Variants in MGAT5 observed in about 807,000 individuals in gnomAD.
The protein encoded by MGAT5 is alpha-1,6-mannosylglycoprotein 6-beta-N-acetylglucosaminyltransferase.
Under a neutral mutation model 94.3 loss-of-function variants are expected in MGAT5, and 30 were observed. That is an observed-to-expected ratio of 0.32 (90% CI 0.24 to 0.43). The LOEUF (loss-of-function observed/expected upper bound fraction) is 0.43, where lower values mean the gene tolerates loss of function less well. Among genes scored for constraint, MGAT5 ranks in the 20% least tolerant of loss-of-function variants. The pLI is 1.00. For synonymous variants in MGAT5, 310 were observed against 322.9 expected (o/e 0.96, Z 0.43); for missense variants, 691 against 905.5 (o/e 0.76, Z 3.04).
chr2:134,246,772 G>A (rs562944413), intron 1 of MGAT5, among the ~76,000 whole-genome samples: 21 of 151,932 alleles, frequency 1.4e-4, no homozygotes, highest in African/African-American at 5.1e-4. Context: ...GAATTGGGGT[G>A]CTGGTTTGAT....
intron 1 of MGAT5, among the ~76,000 whole-genome samples, chr2:134,146,145 A>G (rs1686908192): frequency 6.6e-6 from 1 of 152,190 alleles, no homozygotes; most frequent in Non-Finnish European, 1.5e-5. Flanking sequence ...CCCCATCCCC[A>G]TTAAATGCCT....
intron 1 of MGAT5, among the ~76,000 whole-genome samples, chr2:134,232,160 A>C (rs1033329596): frequency 3.3e-5 from 5 of 152,108 alleles, no homozygotes; most frequent in Admixed American, 1.3e-4. Flanking sequence ...TGACCTCTTA[A>C]GTATTTCTAG....
intron 4 of MGAT5, chr2:134,319,744 C>A: frequency 2.3e-6 from 1 of 426,490 alleles, no homozygotes; most frequent in South Asian, 1.7e-5. Context: ...AGCTCCTGCT[C>A]TCTGTGTAGC....
At chr2:134,391,245 A>G (rs1432419739) in intron 10 of MGAT5, among the ~76,000 whole-genome samples, 1 of 152,088 alleles carries the variant, frequency 6.6e-6, no homozygotes, top group African/African-American at 2.4e-5. Flanking sequence ...GAAACCATCC[A>G]AAAGAGGCTA....
intron 1 of MGAT5, among the ~76,000 whole-genome samples, chr2:134,186,017 A>C (rs1290626561): frequency 6.6e-6 from 1 of 152,182 alleles, no homozygotes; most frequent in Non-Finnish European, 1.5e-5. Context: ...TTATGAATAG[A>C]GGCACCTGTG....
intron 10 of MGAT5, among the ~76,000 whole-genome samples, chr2:134,386,891 T>C (rs1682016146): frequency 6.6e-6 from 1 of 151,996 alleles, no homozygotes; most frequent in East Asian, 1.9e-4. Flanking sequence ...TAAGGAAAAG[T>C]TGGAGTGAAG....
rs144933596 is a variant in MGAT5, at chr2:134,424,080, G to T, written c.1794+1161G>T. ...CGGAAGCTGGGGAAGCCTTTCTGGA[G>T]AATGCAGCCTTTTAGTTAAGTCTTA... is the stretch of plus-strand genomic sequence containing the variant. On this transcript the variant is annotated intron_variant, in intron 13 of 15. Coordinates refer to ENST00000281923, the MANE Select transcript of MGAT5 (RefSeq NM_002410.5). 7.2e-5 allele frequency among the ~76,000 whole-genome samples: 11 copies of T among 152,354 alleles called. No individual in the cohort carries two copies. The East Asian group carries it at 2.1e-3, about 29-fold the overall frequency.
intron 2 of MGAT5, among the ~76,000 whole-genome samples, chr2:134,311,917 T>C (rs1686695881): frequency 6.6e-6 from 1 of 152,156 alleles, no homozygotes; most frequent in Non-Finnish European, 1.5e-5. Context: ...TAGCATCTGA[T>C]TTATACAAGC....
rs113582076 is a variant in MGAT5, at chr2:134,189,592, G to GTTTTTTTTTT, written c.-142-64661_-142-64660insTTTTTTTTTT. Among the ~76,000 whole-genome samples the GTTTTTTTTTT allele has an allele frequency of 5.7e-4, 32 of 56,272 alleles. 1 individual carries two copies. The highest frequency in any genetic ancestry group is 1.8e-3 in the African/African-American group (29 of 16,092). 36.9% of individuals were successfully genotyped at this position (56,272 alleles called of 152,430 possible). ...ACATATGACTAACCTCATGGCTCTA[G>GTTTTTTTTTT]TTTTTTTTTGTTTTTTTTTTTTTTT... is the stretch of plus-strand genomic sequence containing the variant. On this transcript the variant is annotated intron_variant, in intron 1 of 16. Transcript: ENST00000409645.
At chr2:134,423,922 T>C (rs1366729890) in intron 13 of MGAT5, among the ~76,000 whole-genome samples, 6 of 152,242 alleles carry the variant, frequency 3.9e-5, no homozygotes, top group Non-Finnish European at 5.9e-5. Context: ...ATCTGTCTCA[T>C]TTCTGTATTT....
intron 2 of MGAT5, among the ~76,000 whole-genome samples, chr2:134,297,874 A>G (rs1685772877): frequency 6.6e-6 from 1 of 152,016 alleles, no homozygotes. Context: ...TTGTTGTATC[A>G]TTCTCTGTAT....
At chr2:134,344,158 G>C (rs904478889) in intron 7 of MGAT5, among the ~76,000 whole-genome samples, 1 of 152,130 alleles carries the variant, frequency 6.6e-6, no homozygotes, top group African/African-American at 2.4e-5. Flanking sequence ...TGGCAGTAGG[G>C]TTAGCACTGA....
chr2:134,147,219 T>G (rs1686960763), intron 1 of MGAT5, among the ~76,000 whole-genome samples: 1 of 152,210 alleles, frequency 6.6e-6, no homozygotes, highest in Non-Finnish European at 1.5e-5. Context: ...ATTAGAATAC[T>G]GTGATTTGGG....
chr2:134,313,093 T>G (rs57093475), intron 2 of MGAT5, among the ~76,000 whole-genome samples: 1 of 107,276 alleles, frequency 9.3e-6, no homozygotes, highest in Admixed American at 8.9e-5. Flanking sequence ...CACACACACA[T>G]ATCTGTCTGG....
At chr2:134,285,759 G>T (rs1419416143) in intron 2 of MGAT5, among the ~76,000 whole-genome samples, 1 of 151,774 alleles carries the variant, frequency 6.6e-6, no homozygotes, top group Non-Finnish European at 1.5e-5. Context: ...TTTTTTTGAG[G>T]TTATCTACTG....
chr2:134,404,955 T>C (rs1022374921), intron 11 of MGAT5, among the ~76,000 whole-genome samples: 2 of 152,234 alleles, frequency 1.3e-5, no homozygotes, highest in Non-Finnish European at 2.9e-5. Flanking sequence ...TTTACTTTTC[T>C]CCACATCAGA....
rs149542037 is a variant in MGAT5, at chr2:134,357,930, T to C, written c.1247-4345T>C. Among the ~76,000 whole-genome samples, 560 of 152,180 alleles carry C rather than the reference T, an allele frequency of 3.7e-3. 7 individuals are homozygous for C. The highest frequency in any genetic ancestry group is 0.013 in the African/African-American group (538 of 41,518). Reference sequence around the variant, plus strand: ...ATTTGAAGCATAACATTACTATGTATAGTTTTTTAATCCAGATTTCTTGTG... The same window carrying C: ...ATTTGAAGCATAACATTACTATGTACAGTTTTTTAATCCAGATTTCTTGTG... On this transcript the variant is annotated intron_variant, in intron 9 of 15. Coordinates refer to ENST00000281923, the MANE Select transcript of MGAT5 (RefSeq NM_002410.5).
chr2:134,412,666 G>A (rs761685706), intron 11 of MGAT5, among the ~76,000 whole-genome samples: 2 of 151,942 alleles, frequency 1.3e-5, no homozygotes. Flanking sequence ...AGCTTTGTGG[G>A]GACTTTAAAA....
chr2:134,289,577 A>G (rs1475361333), intron 2 of MGAT5, among the ~76,000 whole-genome samples: 2 of 152,354 alleles, frequency 1.3e-5, no homozygotes, highest in East Asian at 3.9e-4. Flanking sequence ...AAGACTAACC[A>G]TGGACTAGCA....
Sources: gnomAD v4.1 joint callset for allele counts (sites outside exome capture counted in the v4.1 genomes callset) on GRCh38, gnomAD v4.1.1 for gene constraint, MANE v1.5 for transcripts, NCBI Gene and HGNC (gene_info 2026-07-23, HGNC 2026-07-21) for gene names.